CASK: variants seen among roughly 807,000 people sequenced by gnomAD.
CASK encodes the protein peripheral plasma membrane protein CASK.
CASK carries 4 observed loss-of-function variants against 82.9 expected under a neutral mutation model. The observed-to-expected ratio is 0.05, with a 90% CI of 0.02 to 0.11. CASK has a LOEUF of 0.11. Ranked by LOEUF, CASK falls within the 10% of genes least tolerant of loss-of-function variation. The pLI is 1.00. For synonymous variants in CASK, 259 were observed against 253.5 expected, an observed-to-expected ratio of 1.02 and a Z score of -0.20; for missense variants, 358 against 720.9, an observed-to-expected ratio of 0.50 and a Z score of 5.76.
At chrX:41,836,149 G>T (rs878904202) in intron 2 of CASK, among the ~76,000 whole-genome samples, 1 of 111,196 alleles carries the variant, frequency 9.0e-6, no homozygotes, top group African/African-American at 3.3e-5. Context: ...GGGAAAAAAA[G>T]ATATAAGGTC....
chrX:41,783,506 G>A (rs1307980718), intron 3 of CASK, among the ~76,000 whole-genome samples: 2 of 104,581 alleles, frequency 1.9e-5, no homozygotes, highest in Non-Finnish European at 3.9e-5. Context: ...CCAAGATCGC[G>A]CCGCTGCACG....
At chrX:41,910,447 T>C (rs1248205937) in intron 1 of CASK, among the ~76,000 whole-genome samples, 1 of 111,715 alleles carries the variant, frequency 9.0e-6, no homozygotes, top group East Asian at 2.8e-4. Context: ...TCCTAGTAAC[T>C]CTTAAATTGC....
intron 5 of CASK, among the ~76,000 whole-genome samples, chrX:41,704,713 A>T: frequency 1.8e-5 from 2 of 112,287 alleles, no homozygotes; most frequent in Middle Eastern, 4.6e-3. Flanking sequence ...AGGTTTTCTT[A>T]TCCCAATAAT....
chrX:41,858,518 G>C (rs1176483799), intron 1 of CASK, among the ~76,000 whole-genome samples: 1 of 111,416 alleles, frequency 9.0e-6, no homozygotes, highest in African/African-American at 3.3e-5. Flanking sequence ...CCAAATTCCT[G>C]CTGGGTGCTC....
At chrX:41,760,764 T>G (rs2068985085) in intron 3 of CASK, among the ~76,000 whole-genome samples, 1 of 111,620 alleles carries the variant, frequency 9.0e-6, no homozygotes, top group Non-Finnish European at 1.9e-5. Context: ...CCCAAATTTT[T>G]TAACTTCATT....
At chrX:41,717,105 C>A (rs929112741) in intron 5 of CASK, among the ~76,000 whole-genome samples, 1 of 111,021 alleles carries the variant, frequency 9.0e-6, no homozygotes, top group Non-Finnish European at 1.9e-5. Context: ...TCCCTGCACA[C>A]TTCAAATTAG....
chrX:41,595,455 A>C (rs1332349155), intron 12 of CASK, among the ~76,000 whole-genome samples: 16 of 110,099 alleles, frequency 1.5e-4, no homozygotes, highest in Non-Finnish European at 9.5e-5. Flanking sequence ...AAATAAAAAA[A>C]TTTGCTGGGT....
intron 5 of CASK, among the ~76,000 whole-genome samples, chrX:41,693,341 T>C (rs955870420): frequency 1.8e-5 from 2 of 111,529 alleles, no homozygotes; most frequent in Non-Finnish European, 3.8e-5. Flanking sequence ...AGGTTGGGCA[T>C]AGTGGCTCAC....
chrX:41,661,480 G>T lies in CASK; in HGVS notation c.709-919C>A, dbSNP rs2067031897. Among the ~76,000 whole-genome samples the T allele has an allele frequency of 3.6e-5, 4 of 111,564 alleles. No homozygotes were observed. The Admixed American group carries it at 3.8e-4, about 11-fold the overall frequency. ...GAGACCTACATCACCTTCTAAGGAA[G>T]AAAGATGAAGAATAAACTCCACAAC... is the stretch of plus-strand genomic sequence containing the variant. On this transcript the variant is annotated intron_variant, in intron 7 of 26. Coordinates refer to ENST00000378163, the MANE Select transcript of CASK (RefSeq NM_001367721.1).
intron 5 of CASK, among the ~76,000 whole-genome samples, chrX:41,672,368 G>T (rs763740555): frequency 3.6e-5 from 4 of 111,019 alleles, no homozygotes; most frequent in African/African-American, 1.3e-4. Flanking sequence ...TGTCAGGAAA[G>T]AATTTCATAA....
At chrX:41,884,058 CAG>C (rs1489470655) in intron 1 of CASK, among the ~76,000 whole-genome samples, 7 of 111,890 alleles carry the variant, frequency 6.3e-5, no homozygotes, top group Non-Finnish European at 1.1e-4. Flanking sequence ...TCACTGATCA[CAG>C]AGTTCTTCAA....
At chrX:41,525,805 A>G (rs1362356107) in intron 25 of CASK, among the ~76,000 whole-genome samples, 1 of 112,081 alleles carries the variant, frequency 8.9e-6, no homozygotes, top group African/African-American at 3.2e-5. Context: ...CAAATTTGAC[A>G]TGAAAGGTTC....
chrX:41,854,337 G>A (rs2071333867), intron 1 of CASK, among the ~76,000 whole-genome samples: 1 of 108,573 alleles, frequency 9.2e-6, no homozygotes. Context: ...TCCAAATATA[G>A]ATTTGTGTGT....
chrX:41,653,566 T>C (rs1440085582), intron 8 of CASK, among the ~76,000 whole-genome samples: 1 of 111,936 alleles, frequency 8.9e-6, no homozygotes. Flanking sequence ...CCCAGGCCAC[T>C]AGCCTTCAAG....
chrX:41,899,329 G>C (rs936990665), intron 1 of CASK, among the ~76,000 whole-genome samples: 4 of 111,215 alleles, frequency 3.6e-5, no homozygotes, highest in African/African-American at 1.3e-4. Flanking sequence ...GTTTCTTGTA[G>C]GTAGCATATG....
At chrX:41,586,535 T>A (rs192786329) in intron 14 of CASK, 1 of 129,444 alleles carries the variant, frequency 7.7e-6, no homozygotes, top group Admixed American at 8.2e-5. Flanking sequence ...AGAGATGTAA[T>A]TCTTCCAATA....
intron 5 of CASK, chrX:41,676,508 C>T (rs2067267265): frequency 3.2e-5 from 38 of 1,183,744 alleles, no homozygotes; most frequent in African/African-American, 7.0e-5. Flanking sequence ...TGGATGTTCC[C>T]GCAGTGGGCT....
intron 5 of CASK, among the ~76,000 whole-genome samples, chrX:41,722,111 A>T (rs2068178173): frequency 8.9e-6 from 1 of 112,362 alleles, no homozygotes; most frequent in Non-Finnish European, 1.9e-5. Flanking sequence ...CTAAAAACCA[A>T]AATAGTGTAA....
At chrX:41,617,011 C>T (rs1368833675) in intron 11 of CASK, among the ~76,000 whole-genome samples, 3 of 112,134 alleles carry the variant, frequency 2.7e-5, no homozygotes, top group African/African-American at 9.7e-5. Flanking sequence ...GGCTCTCAGA[C>T]TGGTGTGTGA....
Sources: allele counts gnomAD v4.1 joint callset (sites outside exome capture counted in the v4.1 genomes callset), GRCh38; gene constraint gnomAD v4.1.1; transcripts MANE v1.5; gene names NCBI Gene and HGNC (gene_info 2026-07-23, HGNC 2026-07-21).